The following ZC3H7B variants were observed in gnomAD, a reference collection of about 807,000 sequenced individuals.
ZC3H7B encodes the protein zinc finger CCCH domain-containing protein 7B.
Under a neutral mutation model 116.0 loss-of-function variants are expected in ZC3H7B, and 35 were observed. That is an observed-to-expected ratio of 0.30 (90% CI 0.23 to 0.40). The LOEUF (loss-of-function observed/expected upper bound fraction) is 0.40, where lower values mean the gene tolerates loss of function less well. Ranked by LOEUF, ZC3H7B falls within the 10% of genes least tolerant of loss-of-function variation. ZC3H7B has a pLI of 1.00. For missense variants in ZC3H7B, 1,011 were observed against 1,321.5 expected (o/e 0.77, Z 3.64); for synonymous variants, 502 against 545.6 (o/e 0.92, Z 1.11).
intron 1 of ZC3H7B, among the ~76,000 whole-genome samples, chr22:41,315,708 G>T (rs976506374): frequency 3.3e-5 from 5 of 152,062 alleles, no homozygotes; most frequent in African/African-American, 1.2e-4. Flanking sequence ...CCTTTCTTTG[G>T]TGCATGCAAG....
chr22:41,316,420 G>A (rs1466459140), intron 1 of ZC3H7B, among the ~76,000 whole-genome samples: 2 of 148,382 alleles, frequency 1.3e-5, no homozygotes, highest in African/African-American at 2.5e-5. Context: ...ATCACCGTCC[G>A]GAGAAGCTGG....
intron 1 of ZC3H7B, among the ~76,000 whole-genome samples, chr22:41,317,514 G>A (rs2036199732): frequency 6.6e-6 from 1 of 152,146 alleles, no homozygotes; most frequent in Non-Finnish European, 1.5e-5. Context: ...TTCTGGCTGG[G>A]CGCAGTGGCT....
Position 41,302,746 on chromosome 22 carries a change from A to G in ZC3H7B, c.-7+974A>G, listed in dbSNP as rs1025131405. Among the ~76,000 whole-genome samples the G allele has an allele frequency of 1.3e-5, 2 of 152,070 alleles. No individual in the cohort carries two copies. The highest frequency in any genetic ancestry group is 4.8e-5 in the African/African-American group (2 of 41,400). On this transcript the variant is annotated intron_variant, in intron 1 of 22. Transcript: ENST00000352645. This position sits in a 1 kb window ranked among gnomAD's most constrained non-coding sequence, Gnocchi z 5.7. ...CCCAGGGGGGAAAATAATCATATAA[A>G]AACAGCTCACTCTGATAGAACCTGA...
chr22:41,343,497 C>T lies in ZC3H7B; in HGVS notation c.1380C>T (p.Ser460=), dbSNP rs1344126530. The T allele has an allele frequency of 9.3e-6, 15 of 1,613,814 alleles. No individual in the cohort carries two copies. The highest frequency in any genetic ancestry group is 1.3e-5 in the Non-Finnish European group (15 of 1,179,912). Residue 460 remains serine (S), a synonymous_variant, in exon 13 of 23, where the codon AGC becomes AGT. Transcript: ENST00000352645. ...ACATCCTGCTCGGCCGGCTCCGGAG[C>T]TCGGAGGACCAGACCTGGAAGCGGA... ...KRDILLGRLR[S]SEDQTWKRIR... is the part of the protein sequence containing the mutation.
chr22:41,302,974 T>A lies in ZC3H7B; in HGVS notation c.-7+1202T>A, dbSNP rs557567362. Among the ~76,000 whole-genome samples, 1 of 152,350 alleles carries A rather than the reference T, an allele frequency of 6.6e-6. No homozygotes were observed. Among genetic ancestry groups the A allele is most frequent in the South Asian group, 2.1e-4 (1 of 4,828 alleles). On this transcript the variant is annotated intron_variant, in intron 1 of 22. Coordinates refer to ENST00000352645, the MANE Select transcript of ZC3H7B (RefSeq NM_017590.6). This position sits in a 1 kb window ranked among gnomAD's most constrained non-coding sequence, Gnocchi z 5.7. ...CCTCAGCATCTGCAGTTCAGCCTGA[T>A]GAAAATAGCAGAATGCAGATCCTTG...
chr22:41,301,810 G>A (rs1217606244), intron 1 of ZC3H7B, 38 bp downstream of exon 1: 1 of 151,976 alleles, frequency 6.6e-6, no homozygotes, highest in African/African-American at 2.4e-5. Flanking sequence ...GCGGGGCAGA[G>A]GCCGGGGACA....
Position 41,349,206 on chromosome 22 carries a change from G to A in ZC3H7B, c.1853G>A (p.Arg618His), listed in dbSNP as rs774780753. The A allele has an allele frequency of 1.9e-6, 3 of 1,613,680 alleles. No individual in the cohort carries two copies. Among genetic ancestry groups the A allele is most frequent in the East Asian group, 2.2e-5 (1 of 44,900 alleles). The change falls in exon 16 of 23, where the codon CGC (arginine) becomes CAC (histidine). Residue 618 changes from arginine (R) to histidine (H), a missense_variant. Physicochemically the swap from Arg to His is conservative, Grantham distance 29. Transcript: ENST00000352645. The surrounding 1 kb of genome is among the most constrained non-coding windows in gnomAD (Gnocchi z 4.9). Reference protein sequence around the residue: ...FQEHFQFDVCRHEVRYGCLRE... With the variant: ...FQEHFQFDVCHHEVRYGCLRE... ...GAGCACTTCCAGTTCGACGTGTGCC[G>A]CCATGAGGTGCGCTACGGCTGCCTG...
rs1398056114 is a variant in ZC3H7B at position 41,346,009 on chromosome 22, T to C, written c.1466T>C (p.Ile489Thr). The change falls in exon 14 of 23, where the codon ATT becomes ACT. Residue 489 changes from isoleucine to threonine, a missense_variant. Ile to Thr is a moderately conservative substitution (Grantham distance 89). Around this residue, in one of 5 missense-constraint regions of ZC3H7B, gnomAD observed 179 missense variants for 178.5 expected, o/e 1.00. Coordinates refer to ENST00000352645, the MANE Select transcript of ZC3H7B (RefSeq NM_017590.6). This position sits in a 1 kb window ranked among gnomAD's most constrained non-coding sequence, Gnocchi z 5.3. ...TCCTGTTGCCTCTTTGCAGACATGATTAACAAGCAGGACTGTAAGTACGGG... is the reference window on the plus strand; with the variant it reads ...TCCTGTTGCCTCTTTGCAGACATGACTAACAAGCAGGACTGTAAGTACGGG... ...VGSYYLCKDM[I>T]NKQDCKYGDN... The C allele has an allele frequency of 6.2e-7, 1 of 1,614,060 alleles. No individual in the cohort carries two copies. The highest frequency in any genetic ancestry group is 1.7e-5 in the Admixed American group (1 of 60,024).
At chr22:41,321,807 C>T (rs2036259394) in intron 2 of ZC3H7B, among the ~76,000 whole-genome samples, 1 of 146,968 alleles carries the variant, frequency 6.8e-6, no homozygotes, top group African/African-American at 2.6e-5. Flanking sequence ...CCTGGTTGAC[C>T]ACAAAACTCA....
intron 7 of ZC3H7B, among the ~76,000 whole-genome samples, chr22:41,337,038 A>T (rs879411293): frequency 1.3e-5 from 2 of 152,214 alleles, no homozygotes; most frequent in Non-Finnish European, 2.9e-5. Flanking sequence ...TGGGAGGCTG[A>T]GGCAGGAGAA....
In ZC3H7B at chr22:41,356,482, G is replaced by T; in HGVS notation, c.2517+6G>T. 1 of 1,613,906 alleles carries T rather than the reference G, an allele frequency of 6.2e-7. No individual in the cohort carries two copies. The highest frequency in any genetic ancestry group is 1.3e-5 in the African/African-American group (1 of 75,058). Reference sequence around the variant, plus strand: ...CGGACTACGCGGACATCATGGTAACGCCTCCGCCCTGCATGCTCGGGGCTG... The same window carrying T: ...CGGACTACGCGGACATCATGGTAACTCCTCCGCCCTGCATGCTCGGGGCTG... On this transcript the variant is annotated splice_donor_region_variant and intron_variant, in intron 21 of 22. Transcript: ENST00000352645.
chr22:41,302,475 G>A lies in ZC3H7B; in HGVS notation c.-7+703G>A, dbSNP rs1042329207. On this transcript the variant is annotated intron_variant, in intron 1 of 22. Coordinates refer to ENST00000352645, the MANE Select transcript of ZC3H7B (RefSeq NM_017590.6). The surrounding 1 kb of genome is among the most constrained non-coding windows in gnomAD (Gnocchi z 5.7). ...CGAGGCCTGTGGGAGGCCCGCGGCC[G>A]TCCAGGGAGTGCTAGGGGGCTGCGG... 4.7e-4 allele frequency among the ~76,000 whole-genome samples: 72 copies of A among 152,246 alleles called. No homozygotes were observed. Among genetic ancestry groups the A allele is most frequent in the African/African-American group, 1.7e-3 (71 of 41,560 alleles).
At chr22:41,301,936 A>G (rs535398923) in intron 1 of ZC3H7B, among the ~76,000 whole-genome samples, 164 bp downstream of exon 1, 1 of 151,970 alleles carries the variant, frequency 6.6e-6, no homozygotes, top group Non-Finnish European at 1.5e-5. Context: ...CCACCTGGAA[A>G]GTGGGATTTT....
chr22:41,302,626 C>G lies in ZC3H7B; in HGVS notation c.-7+854C>G, dbSNP rs1473834146. Among the ~76,000 whole-genome samples, 1 of 152,196 alleles carries G rather than the reference C, an allele frequency of 6.6e-6. No individual in the cohort carries two copies. The highest frequency in any genetic ancestry group is 2.4e-5 in the African/African-American group (1 of 41,444). Reference sequence around the variant, plus strand: ...CTCAGGGCCCCCCTCCGGGTTTGCTCCCTCCTCCTTTCCCCTCCTTTCTCC... The same window carrying G: ...CTCAGGGCCCCCCTCCGGGTTTGCTGCCTCCTCCTTTCCCCTCCTTTCTCC... On this transcript the variant is annotated intron_variant, in intron 1 of 22. Transcript: ENST00000352645. This position sits in a 1 kb window ranked among gnomAD's most constrained non-coding sequence, Gnocchi z 5.7.
At position 41,325,751 on chromosome 22, in the gene ZC3H7B, T is replaced by C. The variant is rs756150339; in HGVS notation, c.118T>C (p.Phe40Leu). The change falls in exon 4 of 23, where the codon TTT (phenylalanine) becomes CTT (leucine). Residue 40 changes from phenylalanine (F) to leucine (L), a missense_variant. This residue lies in a region of ZC3H7B where 322 missense variants were observed against 443.9 expected (regional missense o/e 0.73). Transcript: ENST00000352645. ...TCTGCTCAAGCTGGTGCAGAATCTGTTTGCTGAGGGCAATGATCTGTTCCG... is the reference window on the plus strand; with the variant it reads ...TCTGCTCAAGCTGGTGCAGAATCTGCTTGCTGAGGGCAATGATCTGTTCCG... ...AFLLKLVQNL[F>L]AEGNDLFREK... The C allele has an allele frequency of 6.2e-7, 1 of 1,613,870 alleles. No homozygotes were observed. The highest frequency in any genetic ancestry group is 2.2e-5 in the East Asian group (1 of 44,872).
chr22:41,318,420 T>G (rs1287331289), intron 1 of ZC3H7B, among the ~76,000 whole-genome samples: 2 of 150,070 alleles, frequency 1.3e-5, no homozygotes, highest in East Asian at 3.9e-4. Context: ...TCCCAACTAC[T>G]CGGGAGGCTG....
intron 1 of ZC3H7B, 120 bp from the exon 2 acceptor site, chr22:41,320,535 C>A: frequency 8.6e-7 from 1 of 1,160,294 alleles, no homozygotes; most frequent in Non-Finnish European, 1.3e-6. Flanking sequence ...CGCCTCCCGA[C>A]ATGGGGAAGG....
chr22:41,320,889 G>A (rs1469664949), intron 2 of ZC3H7B, among the ~76,000 whole-genome samples, 176 bp downstream of exon 2: 3 of 152,186 alleles, frequency 2.0e-5, no homozygotes, highest in Non-Finnish European at 2.9e-5. Flanking sequence ...GTGGCTGTGC[G>A]TGAACTCCAC....
intron 21 of ZC3H7B, 37 bp from the exon 22 acceptor site, chr22:41,356,608 G>T: frequency 3.1e-6 from 5 of 1,612,532 alleles, no homozygotes; most frequent in Non-Finnish European, 4.2e-6. Context: ...GGGCAGAGGT[G>T]TGGGGGAGCA....
Sources: allele counts gnomAD v4.1 joint callset (sites outside exome capture counted in the v4.1 genomes callset), GRCh38; gene constraint gnomAD v4.1.1; regional missense constraint gnomAD v4.1.1; non-coding constraint Gnocchi (gnomAD v3.1); transcripts MANE v1.5; gene names NCBI Gene and HGNC (gene_info 2026-07-23, HGNC 2026-07-21).